The following NRXN3 variants were observed in gnomAD, a reference collection of about 807,000 sequenced individuals.
NRXN3 encodes neurexin III.
Under a neutral mutation model 137.6 loss-of-function variants are expected in NRXN3, and 32 were observed. That is an observed-to-expected ratio of 0.23 (90% CI 0.18 to 0.31). The LOEUF is 0.31. Among genes scored for constraint, NRXN3 ranks in the 10% least tolerant of loss-of-function variants. The pLI is 1.00. For missense variants in NRXN3, 1,574 were observed against 2,062.5 expected, an observed-to-expected ratio of 0.76 and a Z score of 4.59; for synonymous variants, 798 against 784.5, an observed-to-expected ratio of 1.02 and a Z score of -0.29.
intron 4 of NRXN3, among the ~76,000 whole-genome samples, chr14:78,483,751 T>C (rs1360344321): frequency 2.0e-5 from 3 of 152,142 alleles, no homozygotes; most frequent in Admixed American, 6.6e-5. Flanking sequence ...AGGGGAGGAC[T>C]CTGGAGCTTT....
chr14:79,863,996 G>C lies in NRXN3; in HGVS notation c.*2032G>C, dbSNP rs1345362164. Reference sequence around the variant, plus strand: ...ATTATCTAATATTTCAATGTGTTAAGAGTTTAATTTTTTTGTTATCATTAA... The same window carrying C: ...ATTATCTAATATTTCAATGTGTTAACAGTTTAATTTTTTTGTTATCATTAA... On this transcript the variant is annotated 3_prime_UTR_variant, in exon 21 of 21. Coordinates refer to ENST00000335750, the MANE Select transcript of NRXN3 (RefSeq NM_001330195.2). 4 of 135,658 alleles carry C rather than the reference G, an allele frequency of 2.9e-5. No homozygotes were observed. Among genetic ancestry groups the C allele is most frequent in the African/African-American group, 9.8e-5 (4 of 40,744 alleles). The allele number at this position is 135,658 out of a possible 1,614,324, so 8.4% of individuals were successfully genotyped here.
rs193018882 is a variant in NRXN3, at chr14:79,828,050, C to T, written c.4093+22860C>T. ...CTGTCATGAGGACAGCACCAAGCCA[C>T]AAGAGATCCACCTTCATGACCCAAA... On this transcript the variant is annotated intron_variant, in intron 20 of 20. Coordinates refer to ENST00000335750, the MANE Select transcript of NRXN3 (RefSeq NM_001330195.2). Among the ~76,000 whole-genome samples, 200 of 152,236 alleles carry T rather than the reference C, an allele frequency of 1.3e-3. 1 individual carries two copies. Among genetic ancestry groups the T allele is most frequent in the African/African-American group, 4.6e-3 (190 of 41,542 alleles).
intron 16 of NRXN3, among the ~76,000 whole-genome samples, chr14:79,662,821 G>A (rs563515095): frequency 9.9e-5 from 15 of 152,010 alleles, no homozygotes; most frequent in African/African-American, 2.9e-4. Context: ...TCACTATCAC[G>A]AGAACAGGAC....
chr14:79,849,738 A>G (rs537704803), intron 20 of NRXN3, among the ~76,000 whole-genome samples: 1 of 152,306 alleles, frequency 6.6e-6, no homozygotes, highest in Admixed American at 6.5e-5. Context: ...TAACCCAGCA[A>G]TGCCTTTTCT....
rs11423743 is a variant in NRXN3 at position 78,351,782 on chromosome 14, C to CTTTT, written c.757+53935_757+53938dup. Among the ~76,000 whole-genome samples, 155 of 127,864 alleles carry CTTTT rather than the reference C, an allele frequency of 1.2e-3. 1 individual carries two copies. In the South Asian group the frequency reaches 0.035, roughly 28 times the overall value. 83.9% of individuals were successfully genotyped at this position (127,864 alleles called of 152,430 possible). A position where few individuals can be genotyped will look rare whatever the true frequency, so the allele number is the denominator to read the frequency against. On this transcript the variant is annotated intron_variant, in intron 4 of 20. Coordinates refer to ENST00000335750, the MANE Select transcript of NRXN3 (RefSeq NM_001330195.2). ...TGTCATTTAACTTTTTGGTATTTTTCTTTTTTTTTTTTTTTTGCCAAAAAG... is the reference window on the plus strand; with the variant it reads ...TGTCATTTAACTTTTTGGTATTTTTCTTTTTTTTTTTTTTTTTTTTGCCAAAAAG...
At chr14:78,798,791 G>A (rs751119283) in intron 8 of NRXN3, among the ~76,000 whole-genome samples, 9 of 152,238 alleles carry the variant, frequency 5.9e-5, no homozygotes, top group Non-Finnish European at 1.3e-4. Context: ...GTACCCACAT[G>A]CTCAATATCA....
At chr14:78,461,919 G>GA (rs2094932223) in intron 4 of NRXN3, among the ~76,000 whole-genome samples, 2 of 152,186 alleles carry the variant, frequency 1.3e-5, no homozygotes. Flanking sequence ...GATTTAAGAT[G>GA]AATCTTTCTT....
At chr14:79,447,841 T>C (rs1284752945) in intron 15 of NRXN3, among the ~76,000 whole-genome samples, 1 of 152,218 alleles carries the variant, frequency 6.6e-6, no homozygotes, top group Non-Finnish European at 1.5e-5. Context: ...CCCATGGGCT[T>C]CCAAGTGTTT....
chr14:79,451,485 T>A lies in NRXN3; in HGVS notation c.3263-15736T>A, dbSNP rs74068669. 0.015 allele frequency among the ~76,000 whole-genome samples: 2,356 copies of A among 152,286 alleles called. 107 individuals carry two copies. In the East Asian group the frequency reaches 0.17, roughly 11 times the overall value. On this transcript the variant is annotated intron_variant, in intron 15 of 20. Transcript: ENST00000335750. ...AGAACTTTGGACACATGTTAGGAGA[T>A]CCAATTAAATAGATGGATCATGGAA...
chr14:78,876,335 A>G (rs563076860), intron 10 of NRXN3, among the ~76,000 whole-genome samples: 1 of 152,294 alleles, frequency 6.6e-6, no homozygotes, highest in Admixed American at 6.5e-5. Flanking sequence ...AAGGAGGAAA[A>G]CCAGCCCTGA....
At chr14:79,748,938 A>G (rs1223325239) in intron 19 of NRXN3, among the ~76,000 whole-genome samples, 1 of 152,090 alleles carries the variant, frequency 6.6e-6, no homozygotes, top group African/African-American at 2.4e-5. Flanking sequence ...GCTAAATTGA[A>G]AGGGAGGCAT....
chr14:78,770,682 G>A (rs1019536521), intron 8 of NRXN3, among the ~76,000 whole-genome samples: 2 of 152,078 alleles, frequency 1.3e-5, no homozygotes, highest in African/African-American at 2.4e-5. Flanking sequence ...ATAAACTGAG[G>A]TTTTCCAACT....
intron 10 of NRXN3, among the ~76,000 whole-genome samples, chr14:78,847,699 C>T (rs1403593284): frequency 6.6e-6 from 1 of 152,092 alleles, no homozygotes; most frequent in African/African-American, 2.4e-5. Context: ...AAAGCTTGTG[C>T]TTTACAATTC....
intron 10 of NRXN3, among the ~76,000 whole-genome samples, chr14:78,931,945 G>A (rs1226038554): frequency 6.6e-6 from 1 of 152,020 alleles, no homozygotes; most frequent in Non-Finnish European, 1.5e-5. Flanking sequence ...TCAGGAGTTC[G>A]AGACCAGTCC....
chr14:78,823,141 GA>G (rs1224943448), intron 10 of NRXN3, among the ~76,000 whole-genome samples: 1 of 152,166 alleles, frequency 6.6e-6, no homozygotes, highest in Non-Finnish European at 1.5e-5. Flanking sequence ...AGACAACTAA[GA>G]AGAGGATAAC....
rs565650927 is a variant in NRXN3, at chr14:78,926,721, T to TTA, written c.2276-30514_2276-30513dup. 0.028 allele frequency among the ~76,000 whole-genome samples: 2,183 copies of TTA among 78,924 alleles called. 270 individuals are homozygous for TTA. In the East Asian group the frequency reaches 0.29, roughly 11 times the overall value. The allele number at this position is 78,924 out of a possible 152,430, so 51.8% of individuals were successfully genotyped here. On this transcript the variant is annotated intron_variant, in intron 10 of 20. Transcript: ENST00000335750. ...AAAATATATATTATATATTATATAA[T>TTA]TATATATAATATAAAATATATATTA...
chr14:78,517,494 A>G (rs752321185), intron 4 of NRXN3, among the ~76,000 whole-genome samples: 1 of 152,288 alleles, frequency 6.6e-6, no homozygotes, highest in African/African-American at 2.4e-5. Context: ...ATTTGTCATG[A>G]AACAGACTCC....
intron 10 of NRXN3, among the ~76,000 whole-genome samples, chr14:78,874,089 A>G (rs1208843036): frequency 6.6e-6 from 1 of 151,120 alleles, no homozygotes; most frequent in Non-Finnish European, 1.5e-5. Flanking sequence ...CTCCTGCCTC[A>G]GCCTCGTGAG....
intron 15 of NRXN3, among the ~76,000 whole-genome samples, chr14:79,316,545 A>G (rs2088734359): frequency 6.6e-6 from 1 of 152,204 alleles, no homozygotes; most frequent in Non-Finnish European, 1.5e-5. Context: ...GTATGTTTGA[A>G]GCAGTGACAT....
Sources: gnomAD v4.1 joint callset for allele counts (sites outside exome capture counted in the v4.1 genomes callset) on GRCh38, gnomAD v4.1.1 for gene constraint, MANE v1.5 for transcripts, NCBI Gene and HGNC (gene_info 2026-07-23, HGNC 2026-07-21) for gene names.